Variants in CPEB1 observed in about 807,000 individuals in gnomAD.
CPEB1 encodes the protein cytoplasmic polyadenylation element-binding protein 1.
CPEB1 carries 7 observed loss-of-function variants against 65.8 expected under a neutral mutation model. The observed-to-expected ratio is 0.11, with a 90% CI of 0.06 to 0.20. The LOEUF is 0.20. CPEB1 is among the 10% of genes least tolerant of loss of function. The pLI is 1.00. For synonymous variants in CPEB1, 262 were observed against 260.0 expected (o/e 1.01, Z -0.08); for missense variants, 551 against 712.2 (o/e 0.77, Z 2.58).
intron 3 of CPEB1, among the ~76,000 whole-genome samples, chr15:82,610,167 A>G (rs2043994064): frequency 6.6e-6 from 1 of 152,166 alleles, no homozygotes; most frequent in South Asian, 2.1e-4. Context: ...ACTCAAAGAA[A>G]CAGACAATCT....
At chr15:82,647,818 A>T, upstream of CPEB1, 1 of 1,281,900 alleles carries the variant, frequency 7.8e-7, no homozygotes, top group Non-Finnish European at 9.8e-7. Context: ...TGCGGCCGGG[A>T]CGCGGCCCCG....
At position 82,556,041 on chromosome 15, in the gene CPEB1, C is replaced by G. The variant is rs371798240; in HGVS notation, c.769G>C (p.Gly257Arg). ...GCTTGCTCTTGGTCCATCCGAGACC[C>G]TACCCCCATCTTTAAAGGGTCTCTG... ...GPRDPLKMGV[G>R]SRMDQEQAAL... Residue 257 changes from glycine (G) to arginine (R), a missense_variant, in exon 6 of 13, where the codon GGG becomes CGG. By Grantham distance (125) the Gly-to-Arg change is moderately radical. Around this residue, in one of 6 missense-constraint regions of CPEB1, gnomAD observed 128 missense variants for 129.1 expected, o/e 0.99. Transcript: ENST00000684509. The G allele has an allele frequency of 1.2e-6, 2 of 1,613,012 alleles. No individual in the cohort carries two copies. Among genetic ancestry groups the G allele is most frequent in the African/African-American group, 2.7e-5 (2 of 74,886 alleles).
intron 6 of CPEB1, among the ~76,000 whole-genome samples, chr15:82,554,977 T>C (rs2036939352): frequency 6.6e-6 from 1 of 152,172 alleles, no homozygotes; most frequent in Non-Finnish European, 1.5e-5. Context: ...GGCACAGCAC[T>C]ATCAGAGGAG....
At chr15:82,629,328 G>C in intron 1 of CPEB1, 1 of 984,680 alleles carries the variant, frequency 1.0e-6, no homozygotes, top group Non-Finnish European at 1.2e-6. Context: ...AGTACCAACA[G>C]TGGTAAAACC....
At chr15:82,603,834 AAAC>A (rs1313015990) in intron 3 of CPEB1, among the ~76,000 whole-genome samples, 2 of 151,338 alleles carry the variant, frequency 1.3e-5, no homozygotes, top group Non-Finnish European at 2.9e-5. Context: ...GAACAACAAC[AAAC>A]AAGAACCCTT....
chr15:82,577,336 T>G (rs769789663), intron 3 of CPEB1, among the ~76,000 whole-genome samples: 36 of 151,804 alleles, frequency 2.4e-4, no homozygotes, highest in Non-Finnish European at 3.5e-4. Context: ...TGGGATTACA[T>G]GTGTGAGCCA....
intron 3 of CPEB1, among the ~76,000 whole-genome samples, chr15:82,574,166 T>C (rs534524470): frequency 2.0e-5 from 3 of 152,306 alleles, no homozygotes; most frequent in East Asian, 3.9e-4. Context: ...CCTTCCTCCT[T>C]ATCCAGACAT....
rs530545956 is a variant in CPEB1, at chr15:82,606,590, G to A, written c.271+20603C>T. 3.6e-4 allele frequency among the ~76,000 whole-genome samples: 17 copies of A among 47,258 alleles called. 4 individuals are homozygous for A. The highest frequency in any genetic ancestry group is 1.8e-3 in the Admixed American group (10 of 5,406). 31.0% of individuals were successfully genotyped at this position (47,258 alleles called of 152,430 possible). On this transcript the variant is annotated intron_variant, in intron 3 of 12. Coordinates refer to ENST00000684509, the MANE Select transcript of CPEB1 (RefSeq NM_001365242.1). ...TCCCAGCACTTTGGGAGGCCGAGGCGGGCGGATCACGAGGTCAGGAGATCG... is the reference window on the plus strand; with the variant it reads ...TCCCAGCACTTTGGGAGGCCGAGGCAGGCGGATCACGAGGTCAGGAGATCG...
At chr15:82,585,140 G>A (rs114633761) in intron 3 of CPEB1, among the ~76,000 whole-genome samples, 2,040 of 152,008 alleles carry the variant, frequency 0.013, 45 homozygotes, top group African/African-American at 0.047. Context: ...GGCATTTAGC[G>A]GAAGCCCTTT....
chr15:82,575,852 T>C (rs933483153), intron 3 of CPEB1, among the ~76,000 whole-genome samples: 5 of 152,216 alleles, frequency 3.3e-5, no homozygotes, highest in South Asian at 2.1e-4. Flanking sequence ...CTTGTACTTA[T>C]GAAAACGCTT....
chr15:82,645,198 G>C (rs2047405578), intron 1 of CPEB1, among the ~76,000 whole-genome samples: 1 of 152,210 alleles, frequency 6.6e-6, no homozygotes, highest in Non-Finnish European at 1.5e-5. Flanking sequence ...CTGTCGTTCA[G>C]GCTGGAGTGC....
At chr15:82,580,727 G>C (rs2041201091) in intron 3 of CPEB1, among the ~76,000 whole-genome samples, 1 of 152,092 alleles carries the variant, frequency 6.6e-6, no homozygotes, top group South Asian at 2.1e-4. Context: ...TTGTCTCTAT[G>C]AATTTGACTA....
At chr15:82,608,960 T>C (rs2043879638) in intron 3 of CPEB1, among the ~76,000 whole-genome samples, 1 of 152,112 alleles carries the variant, frequency 6.6e-6, no homozygotes, top group South Asian at 2.1e-4. Context: ...GAAGTCTCAA[T>C]AAATGTGAAA....
intron 3 of CPEB1, among the ~76,000 whole-genome samples, chr15:82,623,543 G>A (rs1204637926): frequency 6.6e-6 from 1 of 152,122 alleles, no homozygotes; most frequent in African/African-American, 2.4e-5. Context: ...AGGCGTGGTG[G>A]GGCATACCCG....
Position 82,549,481 on chromosome 15 carries a change from C to T in CPEB1, c.1459G>A (p.Asp487Asn). 6.2e-7 allele frequency: 1 copy of T among 1,614,200 alleles called. No individual in the cohort carries two copies. The highest frequency in any genetic ancestry group is 8.5e-7 in the Non-Finnish European group (1 of 1,180,040). The part of the protein sequence containing the change: ...GGVVYAGIDT[D>N]KHKYPIGSGR... ...TTACCAATGGGATACTTGTGCTTATCTGTGTCAATCCCGGCATACACCACT... is the reference window on the plus strand; with the variant it reads ...TTACCAATGGGATACTTGTGCTTATTTGTGTCAATCCCGGCATACACCACT... The change falls in exon 10 of 13, where the codon GAT becomes AAT. Residue 487 changes from aspartate to asparagine, a missense_variant. Coordinates refer to ENST00000684509, the MANE Select transcript of CPEB1 (RefSeq NM_001365242.1).
chr15:82,636,379 G>A (rs576639206), intron 1 of CPEB1, among the ~76,000 whole-genome samples: 16 of 152,206 alleles, frequency 1.1e-4, no homozygotes, highest in African/African-American at 3.6e-4. Flanking sequence ...TGTAGGATCT[G>A]ACCCTTCAGC....
chr15:82,544,804 C>T (rs2150904873), intron 12 of CPEB1, 102 bp from the exon 13 acceptor site: 4 of 825,034 alleles, frequency 4.8e-6, no homozygotes, highest in Non-Finnish European at 8.2e-6. Flanking sequence ...GGGTGGGAGA[C>T]TCCCGATGGC....
At chr15:82,561,206 A>G (rs773841444) in intron 4 of CPEB1, among the ~76,000 whole-genome samples, 4 of 152,218 alleles carry the variant, frequency 2.6e-5, no homozygotes, top group Non-Finnish European at 5.9e-5. Context: ...GAAATATTAG[A>G]TAAGTCATTC....
At chr15:82,594,319 T>C (rs2042503180) in intron 3 of CPEB1, among the ~76,000 whole-genome samples, 1 of 152,008 alleles carries the variant, frequency 6.6e-6, no homozygotes, top group Non-Finnish European at 1.5e-5. Flanking sequence ...CTTGCACATT[T>C]ATGTTACGGA....
Sources: allele counts gnomAD v4.1 joint callset (sites outside exome capture counted in the v4.1 genomes callset), GRCh38; gene constraint gnomAD v4.1.1; regional missense constraint gnomAD v4.1.1; transcripts MANE v1.5; gene names NCBI Gene and HGNC (gene_info 2026-07-23, HGNC 2026-07-21).